ITGB5: variants seen among roughly 807,000 people sequenced by gnomAD.
The protein encoded by ITGB5 is integrin beta-5.
A neutral mutation model predicts 84.8 loss-of-function variants in ITGB5; 38 were observed. The observed-to-expected ratio is 0.45, with a 90% CI of 0.35 to 0.59. ITGB5 has a LOEUF of 0.59. Among genes scored for constraint, ITGB5 ranks in the 20% least tolerant of loss-of-function variants. ITGB5 has a pLI of 0.01. For synonymous variants in ITGB5, 393 were observed against 414.4 expected (o/e 0.95, Z 0.63); for missense variants, 905 against 1,034.5 (o/e 0.87, Z 1.72).
intron 3 of ITGB5, among the ~76,000 whole-genome samples, chr3:124,854,216 T>C (rs1326363027): frequency 1.3e-5 from 2 of 152,202 alleles, no homozygotes; most frequent in African/African-American, 2.4e-5. Context: ...ATTCCACTCC[T>C]AGCTATAGAC....
intron 2 of ITGB5, among the ~76,000 whole-genome samples, chr3:124,861,385 C>G (rs930900387): frequency 6.0e-5 from 9 of 150,358 alleles, no homozygotes; most frequent in Admixed American, 3.3e-4. Context: ...GAGGATCGCT[C>G]GAGCCCAGGA....
At chr3:124,816,118 G>T (rs2064586746) in intron 8 of ITGB5, among the ~76,000 whole-genome samples, 1 of 152,272 alleles carries the variant, frequency 6.6e-6, no homozygotes, top group African/African-American at 2.4e-5. Flanking sequence ...CAGTGGGAAG[G>T]GGGAAGAAAG....
chr3:124,869,230 A>G (rs186292200), intron 2 of ITGB5, among the ~76,000 whole-genome samples: 16 of 152,290 alleles, frequency 1.1e-4, no homozygotes, highest in African/African-American at 3.9e-4. Flanking sequence ...TATATGGTTA[A>G]GAAGGCACCC....
intron 5 of ITGB5, among the ~76,000 whole-genome samples, chr3:124,831,431 G>A (rs916034515): frequency 8.5e-5 from 13 of 152,112 alleles, no homozygotes; most frequent in Middle Eastern, 3.2e-3. Context: ...ACTTATTTAC[G>A]CAAATGGACA....
Position 124,796,712 on chromosome 3 carries a change from C to T in ITGB5, c.1369G>A (p.Val457Ile), listed in dbSNP as rs750538143. 1.9e-6 allele frequency: 3 copies of T among 1,613,960 alleles called. No individual in the cohort carries two copies. Among genetic ancestry groups the T allele is most frequent in the East Asian group, 4.5e-5 (2 of 44,888 alleles). The change falls in exon 10 of 15, where the codon GTC (valine) becomes ATC (isoleucine). Residue 457 changes from valine (V) to isoleucine (I), a missense_variant. Physicochemically the swap from Val to Ile is conservative, Grantham distance 29. Around this residue, in one of 3 missense-constraint regions of ITGB5, gnomAD observed 656 missense variants for 734.7 expected, o/e 0.89. Transcript: ENST00000296181. The part of the protein sequence containing the change: ...VGFRDSLEVG[V>I]TYNCTCGCSV... ...CAGCCGCACGTGCAGTTGTAGGTGACCCCCACCTCCAGGCTGTCCCGGAAT... is the reference window on the plus strand; with the variant it reads ...CAGCCGCACGTGCAGTTGTAGGTGATCCCCACCTCCAGGCTGTCCCGGAAT...
At chr3:124,772,080 T>C (rs1324630544) in intron 11 of ITGB5, among the ~76,000 whole-genome samples, 1 of 106,138 alleles carries the variant, frequency 9.4e-6, no homozygotes, top group African/African-American at 3.3e-5. Context: ...GAGCTGGAGG[T>C]TGGGGGCACC....
intron 9 of ITGB5, among the ~76,000 whole-genome samples, chr3:124,807,811 G>A (rs1239789741): frequency 6.6e-6 from 1 of 151,400 alleles, no homozygotes; most frequent in Admixed American, 6.6e-5. Context: ...CCGGGCTGGC[G>A]GGCGCCTGTA....
chr3:124,885,490 C>A (rs1010594351), intron 1 of ITGB5, among the ~76,000 whole-genome samples: 1 of 151,828 alleles, frequency 6.6e-6, no homozygotes, highest in Non-Finnish European at 1.5e-5. Flanking sequence ...CTTATTTTGC[C>A]AAAATTAAAA....
At position 124,763,646 on chromosome 3, in the gene ITGB5, ATT is replaced by A; in HGVS notation, c.2375_2376del (p.Lys792IlefsTer26). On this transcript the variant is annotated frameshift_variant, in exon 15 of 15. Coordinates refer to ENST00000296181, the MANE Select transcript of ITGB5 (RefSeq NM_002213.5). LOFTEE classifies it high-confidence loss of function. Reference protein sequence around the residue: ...TVDFTFNKFNKSYNGTVD With the variant: ...TVDFTFNKFNXSYNGTVD ...CATCAGTCCACAGTGCCATTGTAGG[ATT>A]TGTTGAACTTGTTGAAGGTGAAGTC... 1 of 1,598,904 alleles carries A rather than the reference ATT, an allele frequency of 6.3e-7. No individual in the cohort carries two copies.
intron 1 of ITGB5, among the ~76,000 whole-genome samples, chr3:124,885,536 G>C (rs974485388): frequency 6.6e-6 from 1 of 152,100 alleles, no homozygotes; most frequent in Admixed American, 6.5e-5. Flanking sequence ...AAAAGAAAAT[G>C]TTCCCACCAA....
intron 1 of ITGB5, among the ~76,000 whole-genome samples, chr3:124,874,755 A>G (rs1934229705): frequency 6.6e-6 from 1 of 152,252 alleles, no homozygotes; most frequent in Non-Finnish European, 1.5e-5. Context: ...ACAATGGGGA[A>G]AGGCCAGTCT....
At chr3:124,806,169 G>A (rs1244419736) in intron 9 of ITGB5, among the ~76,000 whole-genome samples, 1 of 152,116 alleles carries the variant, frequency 6.6e-6, no homozygotes, top group Non-Finnish European at 1.5e-5. Flanking sequence ...TTAAATATTT[G>A]CCTTATTTAT....
chr3:124,868,666 T>G (rs2065430850), intron 2 of ITGB5, among the ~76,000 whole-genome samples: 1 of 139,184 alleles, frequency 7.2e-6, no homozygotes. Context: ...CTGGATGTTG[T>G]GGAATAGGTC....
At chr3:124,828,760 C>T (rs848787) in intron 5 of ITGB5, among the ~76,000 whole-genome samples, 23 of 152,004 alleles carry the variant, frequency 1.5e-4, no homozygotes, top group African/African-American at 5.1e-4. Flanking sequence ...TGGGATTACA[C>T]GCATGCGCCA....
At chr3:124,893,933 TAAG>T (rs984956804) in intron 1 of ITGB5, among the ~76,000 whole-genome samples, 37 of 152,290 alleles carry the variant, frequency 2.4e-4, no homozygotes, top group African/African-American at 7.9e-4. Context: ...CTGACGCTGT[TAAG>T]AAGCACACAC....
upstream of ITGB5, among the ~76,000 whole-genome samples, chr3:124,892,002 A>G (rs771492778): frequency 6.6e-6 from 1 of 152,130 alleles, no homozygotes; most frequent in Non-Finnish European, 1.5e-5. Flanking sequence ...ATTCTGTTAT[A>G]TTACAGCATG....
rs2064457696 is a variant in ITGB5 at position 124,809,148 on chromosome 3, C to A, written c.1137G>T (p.Arg379=). 6.2e-7 allele frequency: 1 copy of A among 1,614,052 alleles called. No individual in the cohort carries two copies. The highest frequency in any genetic ancestry group is 8.5e-7 in the Non-Finnish European group (1 of 1,180,008). Residue 379 remains arginine (R), a synonymous_variant, in exon 9 of 15, where the codon CGG becomes CGT. Transcript: ENST00000296181. ...CCCAGACTGACAACTCCACTTTAGA[C>A]CGGATACTCTGAATGGAGAGAGAAA... ...QLIINAYNSI[R]SKVELSVWDQ... is the part of the protein sequence containing the mutation.
intron 9 of ITGB5, among the ~76,000 whole-genome samples, chr3:124,800,509 G>A (rs868313563): frequency 7.2e-5 from 11 of 151,968 alleles, no homozygotes; most frequent in African/African-American, 2.7e-4. Flanking sequence ...AGCAAGGAGG[G>A]CCCAGCTTTC....
At chr3:124,776,276 G>A (rs1449688276) in intron 10 of ITGB5, among the ~76,000 whole-genome samples, 1 of 152,186 alleles carries the variant, frequency 6.6e-6, no homozygotes, top group Non-Finnish European at 1.5e-5. Flanking sequence ...CCACTTTTGA[G>A]CCTTGGCAGC....
Sources: allele counts gnomAD v4.1 joint callset (sites outside exome capture counted in the v4.1 genomes callset), GRCh38; gene constraint gnomAD v4.1.1; regional missense constraint gnomAD v4.1.1; transcripts MANE v1.5; gene names NCBI Gene and HGNC (gene_info 2026-07-23, HGNC 2026-07-21).